SERPINB6: variants seen among roughly 807,000 people sequenced by gnomAD.
The protein encoded by SERPINB6 is serpin family B member 6, also known as serpin B6.
SERPINB6 carries 16 observed loss-of-function variants against 26.1 expected under a neutral mutation model. The ratio of observed to expected loss-of-function variants is 0.61; its 90% CI spans 0.42 to 0.93. The LOEUF (loss-of-function observed/expected upper bound fraction) is 0.93, where lower values mean the gene tolerates loss of function less well. Among genes scored for constraint, SERPINB6 ranks in the 40% least tolerant of loss-of-function variants. The pLI, the probability that SERPINB6 is intolerant of heterozygous loss-of-function variation, is 0.00. For missense variants in SERPINB6, 420 were observed against 478.0 expected, an observed-to-expected ratio of 0.88 and a Z score of 1.13; for synonymous variants, 174 against 176.6, an observed-to-expected ratio of 0.99 and a Z score of 0.11.
At chr6:2,959,661 G>C in intron 1 of SERPINB6, 1 of 407,150 alleles carries the variant, frequency 2.5e-6, no homozygotes, top group South Asian at 2.3e-5. Flanking sequence ...AATTACAGAA[G>C]GGGCACTGGC....
chr6:2,962,101 G>A (rs997496181), intron 1 of SERPINB6: 15 of 985,246 alleles, frequency 1.5e-5, no homozygotes, highest in African/African-American at 3.5e-5. Context: ...GTAATATCCC[G>A]GAGAATCTGT....
intron 4 of SERPINB6, 30 bp from the exon 5 acceptor site, chr6:2,953,216 A>G: frequency 1.9e-6 from 3 of 1,613,916 alleles, no homozygotes; most frequent in South Asian, 1.1e-5. Flanking sequence ...ACCGCATTAG[A>G]TAGGGGCGGC....
chr6:2,959,405 G>T, intron 1 of SERPINB6, 63 bp from the exon 2 acceptor site: 3 of 1,556,018 alleles, frequency 1.9e-6, no homozygotes, highest in Admixed American at 1.7e-5. Flanking sequence ...CATCTCACGC[G>T]CCTTACCGAC....
At chr6:2,970,753 ATAACT>A (rs1311271390) in intron 1 of SERPINB6, 4 of 1,230,884 alleles carry the variant, frequency 3.2e-6, no homozygotes, top group Non-Finnish European at 2.0e-6. Context: ...AAGGAAGAAA[ATAACT>A]TAAATGCCAA....
At chr6:2,971,069 G>T in intron 1 of SERPINB6, 1 of 1,152,298 alleles carries the variant, frequency 8.7e-7, no homozygotes, top group South Asian at 4.4e-5. Flanking sequence ...CCTCCGGGTC[G>T]CGGAGCGGGC....
intron 5 of SERPINB6, 129 bp from the exon 6 acceptor site, chr6:2,949,198 C>T (rs930798733): frequency 1.1e-4 from 113 of 1,016,926 alleles, no homozygotes; most frequent in Middle Eastern, 4.0e-4. Flanking sequence ...CCAGAACACC[C>T]GGCAGCGCCT....
At chr6:2,964,294 A>C (rs1267706982) in intron 1 of SERPINB6, among the ~76,000 whole-genome samples, 1 of 152,254 alleles carries the variant, frequency 6.6e-6, no homozygotes, top group Non-Finnish European at 1.5e-5. Flanking sequence ...ATTTCACTGA[A>C]GGTAAAACTC....
chr6:2,958,607 C>G (rs182234075), intron 2 of SERPINB6, among the ~76,000 whole-genome samples: 136 of 152,250 alleles, frequency 8.9e-4, no homozygotes, highest in African/African-American at 3.1e-3. Context: ...CCCAGCGCCC[C>G]GCTGAGCCCC....
intron 2 of SERPINB6, 147 bp downstream of exon 2, chr6:2,959,021 G>T: frequency 1.9e-6 from 2 of 1,052,646 alleles, no homozygotes; most frequent in Non-Finnish European, 1.4e-6. Flanking sequence ...GCTCCAGCAT[G>T]GGTGGCATGC....
At chr6:2,969,260 T>C (rs1330474247) in intron 1 of SERPINB6, 1 of 985,624 alleles carries the variant, frequency 1.0e-6, no homozygotes, top group East Asian at 1.1e-4. Flanking sequence ...TGTTTCACAG[T>C]CACGTTGCAA....
At chr6:2,963,008 C>T (rs1771281156) in intron 1 of SERPINB6, among the ~76,000 whole-genome samples, 1 of 152,166 alleles carries the variant, frequency 6.6e-6, no homozygotes, top group Non-Finnish European at 1.5e-5. Context: ...AAATACAACT[C>T]ATGAAACATA....
At position 2,959,201 on chromosome 6, in the gene SERPINB6, C is replaced by T. The variant is rs756760483; in HGVS notation, c.132G>A (p.Gly44=). Residue 44 remains glycine, a synonymous_variant, in exon 2 of 7, where the codon GGG becomes GGA. Coordinates refer to ENST00000380539, the MANE Select transcript of SERPINB6 (RefSeq NM_004568.6). ...MSCALAMVYM[G]AKGNTAAQMA... ...TCTGTGCAGCGGTGTTTCCCTTTGCCCCCATGTAGACCATGGCCAGGGCAC... is the reference window on the plus strand; with the variant it reads ...TCTGTGCAGCGGTGTTTCCCTTTGCTCCCATGTAGACCATGGCCAGGGCAC... The T allele has an allele frequency of 6.2e-7, 1 of 1,614,056 alleles. No individual in the cohort carries two copies. The highest frequency in any genetic ancestry group is 1.3e-5 in the African/African-American group (1 of 74,920).
Position 2,955,640 on chromosome 6 carries a change from C to T in SERPINB6, c.196G>A (p.Gly66Arg), listed in dbSNP as rs1314538545. 3 of 1,614,014 alleles carry T rather than the reference C, an allele frequency of 1.9e-6. No homozygotes were observed. Among genetic ancestry groups the T allele is most frequent in the Non-Finnish European group, 8.5e-7 (1 of 1,180,030 alleles). ...ILSFNKSGGG[G>R]DIHQGFQSLL... Reference sequence around the variant, plus strand: ...GACTGGAAGCCCTGGTGGATGTCTCCACCACCGCCACTTTTATTGAAAGAA... The same window carrying T: ...GACTGGAAGCCCTGGTGGATGTCTCTACCACCGCCACTTTTATTGAAAGAA... The change falls in exon 3 of 7, where the codon GGA (glycine) becomes AGA (arginine). Residue 66 changes from glycine (G) to arginine (R), a missense_variant. Transcript: ENST00000380539.
chr6:2,952,855 C>T (rs1450120098), intron 5 of SERPINB6, among the ~76,000 whole-genome samples, 189 bp downstream of exon 5: 1 of 152,250 alleles, frequency 6.6e-6, no homozygotes, highest in East Asian at 1.9e-4. Flanking sequence ...AGCCTGAGGG[C>T]TGCAGCTTCA....
Position 2,970,724 on chromosome 6 carries a change from CAAAAAAAAAA to C in SERPINB6, c.-11+799_-11+808del, listed in dbSNP as rs70995402. The C allele has an allele frequency of 1.3e-4, 138 of 1,071,662 alleles. 1 individual carries two copies. In the African/African-American group the frequency reaches 1.8e-3, roughly 14 times the overall value. 66.4% of individuals were successfully genotyped at this position (1,071,662 alleles called of 1,614,324 possible). A position where few individuals can be genotyped will look rare whatever the true frequency, so the allele number is the denominator to read the frequency against. The stretch of plus-strand genomic sequence containing the variant: ...AGTTTTCCGAAGCCAATCTTTAGGA[CAAAAAAAAAA>C]AAAAAAAAAAGGAAGAAAATAACTT... On this transcript the variant is annotated intron_variant, in intron 1 of 6. Transcript: ENST00000380539.
intron 1 of SERPINB6, chr6:2,971,025 C>G: frequency 8.2e-7 from 1 of 1,215,886 alleles, no homozygotes; most frequent in Non-Finnish European, 1.0e-6. Context: ...CCGCCCGGCT[C>G]CTAACACCCG....
intron 3 of SERPINB6, 167 bp downstream of exon 3, chr6:2,955,357 C>T (rs1029455954): frequency 2.6e-6 from 2 of 769,514 alleles, no homozygotes; most frequent in African/African-American, 3.5e-5. Flanking sequence ...AGTAGATCCA[C>T]CTTATTGAAA....
chr6:2,970,971 G>C (rs1396649062), intron 1 of SERPINB6: 1 of 1,200,396 alleles, frequency 8.3e-7, no homozygotes, highest in Non-Finnish European at 1.0e-6. Flanking sequence ...AGGGGGCCCG[G>C]ATGGCACCGT....
chr6:2,966,355 T>C (rs1473839000), intron 1 of SERPINB6: 28 of 986,088 alleles, frequency 2.8e-5, no homozygotes, highest in Non-Finnish European at 3.0e-5. Flanking sequence ...AATTGGCTGG[T>C]GGGAATCTCT....
Sources: allele counts gnomAD v4.1 joint callset (sites outside exome capture counted in the v4.1 genomes callset), GRCh38; gene constraint gnomAD v4.1.1; transcripts MANE v1.5; gene names NCBI Gene and HGNC (gene_info 2026-07-23, HGNC 2026-07-21).